TPST2: variants seen among roughly 807,000 people sequenced by gnomAD.
TPST2 encodes tyrosylprotein sulfotransferase 2, also known as protein-tyrosine sulfotransferase 2.
Under a neutral mutation model 27.8 loss-of-function variants are expected in TPST2, and 16 were observed. The observed-to-expected ratio is 0.58, with a 90% CI of 0.39 to 0.88. TPST2 has a LOEUF of 0.88. Among genes scored for constraint, TPST2 ranks in the 40% least tolerant of loss-of-function variants. TPST2 has a pLI of 0.00. For missense variants in TPST2, 464 were observed against 543.1 expected, an observed-to-expected ratio of 0.85 and a Z score of 1.45; for synonymous variants, 229 against 231.7, an observed-to-expected ratio of 0.99 and a Z score of 0.10.
intron 1 of TPST2, chr22:26,550,550 C>G (rs1293832083): frequency 1.0e-6 from 1 of 983,096 alleles, no homozygotes; most frequent in Non-Finnish European, 1.2e-6. Flanking sequence ...CAGCGGGGAG[C>G]TGGCAGTGCA....
At chr22:26,556,383 C>CA (rs1387738018) in intron 1 of TPST2, among the ~76,000 whole-genome samples, 1 of 152,028 alleles carries the variant, frequency 6.6e-6, no homozygotes, top group African/African-American at 2.4e-5. Context: ...TACTAAAATA[C>CA]AAAAAAATTA....
chr22:26,558,413 C>A (rs1926914509), intron 1 of TPST2, among the ~76,000 whole-genome samples: 1 of 152,074 alleles, frequency 6.6e-6, no homozygotes, highest in Non-Finnish European at 1.5e-5. Flanking sequence ...AGTGCTGCGA[C>A]TACAGGCATG....
chr22:26,570,048 A>AC lies in TPST2; in HGVS notation c.-161+20004_-161+20005insG, dbSNP rs1437699892. On this transcript the variant is annotated intron_variant, in intron 1 of 6. Transcript: ENST00000338754. ...GAAAGAAAGAAAGAAAGAAAGACAG[A>AC]AAGAAAGAAAGAAAGAAGGAAAGAA... Among the ~76,000 whole-genome samples, 460 of 86,242 alleles carry AC rather than the reference A, an allele frequency of 5.3e-3. 20 individuals are homozygous for AC. The highest frequency in any genetic ancestry group is 0.011 in the African/African-American group (194 of 17,130). 56.6% of individuals were successfully genotyped at this position (86,242 alleles called of 152,430 possible).
chr22:26,582,688 G>C (rs1928161787), intron 1 of TPST2, among the ~76,000 whole-genome samples: 1 of 152,104 alleles, frequency 6.6e-6, no homozygotes, highest in African/African-American at 2.4e-5. Flanking sequence ...CCTTATTCTA[G>C]TGGAAGACGT....
At chr22:26,552,538 C>CATCT (rs1926538879) in intron 1 of TPST2, among the ~76,000 whole-genome samples, 1 of 152,118 alleles carries the variant, frequency 6.6e-6, no homozygotes, top group Non-Finnish European at 1.5e-5. Context: ...CCTGCTTTAT[C>CATCT]ATCTCTCTTG....
intron 1 of TPST2, among the ~76,000 whole-genome samples, chr22:26,580,004 G>A (rs1201156221): frequency 6.6e-6 from 1 of 152,078 alleles, no homozygotes; most frequent in East Asian, 1.9e-4. Flanking sequence ...CAGTACTTTG[G>A]GAGGCTGAGG....
intron 1 of TPST2, among the ~76,000 whole-genome samples, chr22:26,548,571 G>GAAAGAA (rs1206719653): frequency 7.1e-6 from 1 of 141,230 alleles, no homozygotes; most frequent in African/African-American, 2.6e-5. Context: ...AGAAGAAAGA[G>GAAAGAA]AAAGAAAAAG....
At chr22:26,554,588 C>T (rs985044594) in intron 1 of TPST2, among the ~76,000 whole-genome samples, 1 of 152,220 alleles carries the variant, frequency 6.6e-6, no homozygotes, top group African/African-American at 2.4e-5. Context: ...TGTTATCTAA[C>T]TACTTTGTGC....
chr22:26,578,148 G>A (rs9625047), intron 1 of TPST2, among the ~76,000 whole-genome samples: 7 of 152,100 alleles, frequency 4.6e-5, no homozygotes, highest in African/African-American at 1.4e-4. Context: ...GCGCATCTCC[G>A]CCTCCCAATC....
intron 1 of TPST2, among the ~76,000 whole-genome samples, chr22:26,569,025 A>G (rs5761608): frequency 0.24 from 36,197 of 151,674 alleles, 4,575 homozygotes; most frequent in South Asian, 0.36. Flanking sequence ...CACCACGCTC[A>G]GCTAATTTTT....
At chr22:26,561,558 G>T (rs1343175450) in intron 1 of TPST2, among the ~76,000 whole-genome samples, 2 of 110,290 alleles carry the variant, frequency 1.8e-5, no homozygotes, top group African/African-American at 3.1e-5. Flanking sequence ...AAAAGAAAAA[G>T]TTGCAGCTGT....
chr22:26,563,485 C>T (rs545177404), intron 1 of TPST2, among the ~76,000 whole-genome samples: 106 of 152,150 alleles, frequency 7.0e-4, no homozygotes, highest in African/African-American at 2.3e-3. Context: ...CCCGCCTCCA[C>T]GCCCGGCTAA....
intron 1 of TPST2, among the ~76,000 whole-genome samples, chr22:26,580,804 G>A (rs1182457765): frequency 6.6e-6 from 1 of 152,076 alleles, no homozygotes; most frequent in Admixed American, 6.6e-5. Context: ...CACTAAAGAC[G>A]CGTTAGCACC....
At chr22:26,554,928 ACT>A (rs35599290) in intron 1 of TPST2, among the ~76,000 whole-genome samples, 40,132 of 152,048 alleles carry the variant, frequency 0.26, 5,408 homozygotes, top group Non-Finnish European at 0.27. Context: ...ACACAGCAAG[ACT>A]CTGTCTCACA....
chr22:26,551,431 C>A (rs564042035), intron 1 of TPST2, among the ~76,000 whole-genome samples: 8 of 152,316 alleles, frequency 5.3e-5, no homozygotes, highest in African/African-American at 1.9e-4. Flanking sequence ...TATTAACCAT[C>A]CATTTCCTGG....
chr22:26,534,344 C>T (rs1447552054), intron 4 of TPST2, among the ~76,000 whole-genome samples: 5 of 152,138 alleles, frequency 3.3e-5, no homozygotes, highest in Non-Finnish European at 7.4e-5. Flanking sequence ...CAAGCTATGG[C>T]AAAAACTAAA....
At chr22:26,590,000 C>G (rs1299800476) in intron 1 of TPST2, 53 bp downstream of exon 1, 2 of 151,710 alleles carry the variant, frequency 1.3e-5, no homozygotes, top group Non-Finnish European at 2.9e-5. Flanking sequence ...GCCCCCAGCC[C>G]GCGCCCCCGG....
At chr22:26,529,431 G>A (rs1425136019) in intron 5 of TPST2, among the ~76,000 whole-genome samples, 4 of 152,180 alleles carry the variant, frequency 2.6e-5, no homozygotes, top group Non-Finnish European at 5.9e-5. Flanking sequence ...CACCCAGCCA[G>A]AAGGTTGGAA....
chr22:26,564,442 C>T (rs1385849997), intron 1 of TPST2, among the ~76,000 whole-genome samples: 1 of 152,224 alleles, frequency 6.6e-6, no homozygotes, highest in Non-Finnish European at 1.5e-5. Flanking sequence ...ACAGCGCAAG[C>T]CTTGCCCCGT....
Sources: allele counts gnomAD v4.1 joint callset (sites outside exome capture counted in the v4.1 genomes callset), GRCh38; gene constraint gnomAD v4.1.1; transcripts MANE v1.5; gene names NCBI Gene and HGNC (gene_info 2026-07-23, HGNC 2026-07-21).